MICB: variants seen among roughly 807,000 people sequenced by gnomAD.
MICB encodes MHC class I polypeptide-related sequence B, also known as MHC class I antigen-related protein B.
Under a neutral mutation model 34.3 loss-of-function variants are expected in MICB, and 27 were observed. That is an observed-to-expected ratio of 0.79 (90% CI 0.58 to 1.08). The LOEUF (loss-of-function observed/expected upper bound fraction) is 1.08, where lower values mean the gene tolerates loss of function less well. MICB is among the 50% of genes least tolerant of loss of function. MICB has a pLI of 0.00. For missense variants in MICB, 426 were observed against 483.1 expected (o/e 0.88, Z 1.11); for synonymous variants, 153 against 187.4 (o/e 0.82, Z 1.50).
In MICB at chr6:31,509,812, A is replaced by G; in HGVS notation, c.1055A>G (p.His352Arg). ...ELVSLQVLDQ[H>R]PVGTGDHRDA... ...GTGAGCCTGCAGGTCCTGGATCAAC[A>G]CCCAGTTGGGACAGGAGACCACAGG... is the stretch of plus-strand genomic sequence containing the variant. Residue 352 changes from histidine (H) to arginine (R), a missense_variant, in exon 6 of 6, where the codon CAC becomes CGC. Physicochemically the swap from His to Arg is conservative, Grantham distance 29 (BLOSUM62 0). Transcript: ENST00000252229. The G allele has an allele frequency of 6.2e-7, 1 of 1,611,826 alleles. No individual in the cohort carries two copies. The highest frequency in any genetic ancestry group is 8.5e-7 in the Non-Finnish European group (1 of 1,178,896).
At position 31,507,389 on chromosome 6, in the gene MICB, C is replaced by CT. The variant is rs1451131217; in HGVS notation, c.893-4dup. On this transcript the variant is annotated splice_polypyrimidine_tract_variant and intron_variant, in intron 4 of 5. Coordinates refer to ENST00000252229, the MANE Select transcript of MICB (RefSeq NM_005931.5). The surrounding 1 kb of genome is among the most constrained non-coding windows in gnomAD (Gnocchi z 6.0). ...TCTCTGCCCAGTGTATAACAAGTCC[C>CT]TTTTTTTCAGGGAAGGCGCTGGTGC... 8.1e-6 allele frequency: 13 copies of CT among 1,614,044 alleles called. No individual in the cohort carries two copies. In the East Asian group the frequency reaches 8.9e-5, roughly 11 times the overall value.
upstream of MICB, among the ~76,000 whole-genome samples, chr6:31,496,220 C>A (rs1764646238): frequency 6.6e-6 from 1 of 152,174 alleles, no homozygotes; most frequent in Non-Finnish European, 1.5e-5. Context: ...GCTTTCCAGA[C>A]AGAATTCTTA....
chr6:31,501,180 C>T (rs1011541251), intron 1 of MICB, among the ~76,000 whole-genome samples: 5 of 152,118 alleles, frequency 3.3e-5, no homozygotes, highest in Admixed American at 6.5e-5. Flanking sequence ...CATCTGATGA[C>T]GAATGATGTT....
intron 5 of MICB, among the ~76,000 whole-genome samples, chr6:31,509,234 T>G (rs1294076725): frequency 2.6e-5 from 4 of 152,160 alleles, no homozygotes; most frequent in African/African-American, 9.7e-5. Flanking sequence ...GTGCAGATCC[T>G]GTGGCAGCCA....
At position 31,498,261 on chromosome 6, in the gene MICB, C is replaced by A; in HGVS notation, c.68C>A (p.Ala23Asp). 6.4e-7 allele frequency: 1 copy of A among 1,568,880 alleles called. No homozygotes were observed. Among genetic ancestry groups the A allele is most frequent in the South Asian group, 1.1e-5 (1 of 88,356 alleles). Residue 23 changes from alanine (A) to aspartate (D), a missense_variant and splice_region_variant, in exon 1 of 6, where the codon GCT becomes GAT. Physicochemically the swap from Ala to Asp is moderately radical, Grantham distance 126. Transcript: ENST00000252229. ...AFPFAPPAAA[A>D]EPHSLRYNLM... Reference sequence around the variant, plus strand: ...CCTTTTGCACCCCCGGCAGCCGCCGCTGGTGAGTGGGGTTCCTGGCGGTCC... The same window carrying A: ...CCTTTTGCACCCCCGGCAGCCGCCGATGGTGAGTGGGGTTCCTGGCGGTCC...
At chr6:31,495,759 C>T (rs1264098658), upstream of MICB, among the ~76,000 whole-genome samples, 7 of 151,604 alleles carry the variant, frequency 4.6e-5, no homozygotes, top group African/African-American at 1.7e-4. Context: ...GTGTGGCACT[C>T]GCCTGTAGTC....
chr6:31,506,096 A>G, intron 2 of MICB, 47 bp from the exon 3 acceptor site: 1 of 1,565,946 alleles, frequency 6.4e-7, no homozygotes, highest in African/African-American at 1.4e-5. Flanking sequence ...CTTGGGTGGA[A>G]AGGTGATGGG....
chr6:31,505,952 C>T (rs1180779210), intron 2 of MICB, 81 bp downstream of exon 2: 6 of 1,506,932 alleles, frequency 4.0e-6, no homozygotes, highest in Admixed American at 2.1e-5. Context: ...TGTCTCTTCC[C>T]GCTGGATCTG....
chr6:31,507,505 A>G lies in MICB; in HGVS notation c.998A>G (p.Lys333Arg). The G allele has an allele frequency of 6.2e-7, 1 of 1,614,244 alleles. No homozygotes were observed. The highest frequency in any genetic ancestry group is 1.1e-5 in the South Asian group (1 of 91,088). ...IIILCVPCCK[K>R]KTSAAEGPEL... ...ATTCTCTGTGTCCCTTGTTGCAAGAAGAAAACATCAGCGGCAGAGGGTCCA... is the reference window on the plus strand; with the variant it reads ...ATTCTCTGTGTCCCTTGTTGCAAGAGGAAAACATCAGCGGCAGAGGGTCCA... Residue 333 changes from lysine to arginine, a missense_variant, in exon 5 of 6, where the codon AAG (lysine) becomes AGG (arginine). Lys to Arg is a conservative substitution (Grantham distance 26, BLOSUM62 2). Coordinates refer to ENST00000252229, the MANE Select transcript of MICB (RefSeq NM_005931.5). The surrounding 1 kb of genome is among the most constrained non-coding windows in gnomAD (Gnocchi z 6.0).
Position 31,510,531 on chromosome 6 carries a change from GTTGTTT to G in MICB, c.*650_*655del, listed in dbSNP as rs9281515. On this transcript the variant is annotated 3_prime_UTR_variant, in exon 6 of 6. Transcript: ENST00000252229. ...CATATTAATTGGTATCATTATTTCT[GTTGTTT>G]TTGTTTTTGTTTTTGTTTTTGTTTT... is the stretch of plus-strand genomic sequence containing the variant. The G allele has an allele frequency of 0.067, 10,221 of 152,156 alleles. 394 individuals carry two copies. Among genetic ancestry groups the G allele is most frequent in the African/African-American group, 0.078 (3,239 of 41,366 alleles). The allele number at this position is 152,156 out of a possible 1,614,324, so 9.4% of individuals were successfully genotyped here. A position where few individuals can be genotyped will look rare whatever the true frequency, so the allele number is the denominator to read the frequency against.
At position 31,510,544 on chromosome 6, in the gene MICB, T is replaced by G. The variant is rs1765616978; in HGVS notation, c.*635T>G. 2 of 152,316 alleles carry G rather than the reference T, an allele frequency of 1.3e-5. No individual in the cohort carries two copies. The highest frequency in any genetic ancestry group is 2.9e-5 in the Non-Finnish European group (2 of 68,286). The allele number at this position is 152,316 out of a possible 1,614,324, so 9.4% of individuals were successfully genotyped here. A position where few individuals can be genotyped will look rare whatever the true frequency, so the allele number is the denominator to read the frequency against. ...ATCATTATTTCTGTTGTTTTTGTTT[T>G]TGTTTTTGTTTTTGTTTTTGAGACA... On this transcript the variant is annotated 3_prime_UTR_variant, in exon 6 of 6. Transcript: ENST00000252229.
intron 1 of MICB, among the ~76,000 whole-genome samples, chr6:31,499,848 G>T (rs1764926271): frequency 6.6e-6 from 1 of 152,106 alleles, no homozygotes; most frequent in African/African-American, 2.4e-5. Flanking sequence ...GCTGCCTGGG[G>T]CCCTCAGCAA....
At chr6:31,497,061 C>G (rs1191074661), upstream of MICB, among the ~76,000 whole-genome samples, 1 of 152,166 alleles carries the variant, frequency 6.6e-6, no homozygotes, top group Admixed American at 6.5e-5. Flanking sequence ...CTGTGGGTGG[C>G]TTGGAGCACT....
chr6:31,505,537 G>C, intron 1 of MICB, 80 bp from the exon 2 acceptor site: 1 of 1,573,752 alleles, frequency 6.4e-7, no homozygotes, highest in Non-Finnish European at 8.6e-7. Flanking sequence ...AGGGAGGTCG[G>C]GACAGCAGAC....
Position 31,506,315 on chromosome 6 carries a change from A to G in MICB, c.498A>G (p.Thr166=). 1.2e-6 allele frequency: 2 copies of G among 1,614,202 alleles called. No homozygotes were observed. Among genetic ancestry groups the G allele is most frequent in the Non-Finnish European group, 8.5e-7 (1 of 1,180,024 alleles). The change falls in exon 3 of 6, where the codon ACA becomes ACG. Residue 166 remains threonine, a synonymous_variant. Coordinates refer to ENST00000252229, the MANE Select transcript of MICB (RefSeq NM_005931.5). The part of the protein sequence containing the change: ...SRAQTLAMNV[T]NFWKEDAMKT... ...CTCAGACCTTGGCTATGAACGTCAC[A>G]AATTTCTGGAAGGAAGATGCCATGA...
rs1042311696 is a variant in MICB, at chr6:31,507,133, A to G, written c.725A>G (p.Asp242Gly). Residue 242 changes from aspartate (D) to glycine (G), a missense_variant, in exon 4 of 6, where the codon GAT becomes GGT. Physicochemically the swap from Asp to Gly is moderately conservative, Grantham distance 94. Coordinates refer to ENST00000252229, the MANE Select transcript of MICB (RefSeq NM_005931.5). The surrounding 1 kb of genome is among the most constrained non-coding windows in gnomAD (Gnocchi z 6.0). ...PRNITLTWRQ[D>G]GVSLSHNTQQ... Reference sequence around the variant, plus strand: ...AATATCACACTGACCTGGCGTCAGGATGGGGTATCTTTGAGCCACAACACC... The same window carrying G: ...AATATCACACTGACCTGGCGTCAGGGTGGGGTATCTTTGAGCCACAACACC... 1.2e-6 allele frequency: 2 copies of G among 1,613,926 alleles called. No individual in the cohort carries two copies. The highest frequency in any genetic ancestry group is 2.7e-5 in the African/African-American group (2 of 74,862).
In MICB at chr6:31,510,723, T is replaced by C; in HGVS notation, c.*814T>C. The C allele has an allele frequency of 6.6e-6, 1 of 152,076 alleles. No homozygotes were observed. The highest frequency in any genetic ancestry group is 6.5e-5 in the Admixed American group (1 of 15,274). 9.4% of individuals were successfully genotyped at this position (152,076 alleles called of 1,614,324 possible). A position where few individuals can be genotyped will look rare whatever the true frequency, so the allele number is the denominator to read the frequency against. ...ACCACACCCAGCTAATTTTTGTATT[T>C]TTTGTAGAGACGGGGTTTCGCCAAG... On this transcript the variant is annotated 3_prime_UTR_variant, in exon 6 of 6. Coordinates refer to ENST00000252229, the MANE Select transcript of MICB (RefSeq NM_005931.5).
chr6:31,502,461 C>T (rs1388317719), intron 1 of MICB, among the ~76,000 whole-genome samples: 1 of 152,210 alleles, frequency 6.6e-6, no homozygotes, highest in Non-Finnish European at 1.5e-5. Context: ...TCTTTCACTT[C>T]TTCAGTTAAG....
chr6:31,505,115 C>T (rs1325959253), intron 1 of MICB, among the ~76,000 whole-genome samples: 1 of 151,940 alleles, frequency 6.6e-6, no homozygotes, highest in African/African-American at 2.4e-5. Flanking sequence ...ACCCCTTGTG[C>T]CTCATGACCA....
Sources: gnomAD v4.1 joint callset for allele counts (sites outside exome capture counted in the v4.1 genomes callset) on GRCh38, gnomAD v4.1.1 for gene constraint, Gnocchi (gnomAD v3.1) non-coding constraint, MANE v1.5 for transcripts, NCBI Gene and HGNC (gene_info 2026-07-23, HGNC 2026-07-21) for gene names.